KIFAP3: variants seen among roughly 807,000 people sequenced by gnomAD.
KIFAP3 encodes kinesin-associated protein 3.
KIFAP3 carries 68 observed loss-of-function variants against 106.5 expected under a neutral mutation model. That is an observed-to-expected ratio of 0.64 (90% CI 0.53 to 0.78). The LOEUF (loss-of-function observed/expected upper bound fraction) is 0.78, where lower values mean the gene tolerates loss of function less well. KIFAP3 is among the 30% of genes least tolerant of loss of function. The pLI, the probability that KIFAP3 is intolerant of heterozygous loss-of-function variation, is 0.00. For missense variants in KIFAP3, 780 were observed against 941.8 expected (o/e 0.83, Z 2.25); for synonymous variants, 320 against 311.5 (o/e 1.03, Z -0.29).
At chr1:170,046,647 G>T in intron 3 of KIFAP3, 65 bp downstream of exon 3, 3 of 1,264,002 alleles carry the variant, frequency 2.4e-6, no homozygotes, top group Admixed American at 2.9e-5. Flanking sequence ...TTTTATAGTT[G>T]CTTGATGAAC....
chr1:170,072,643 A>T (rs1236615417), intron 1 of KIFAP3, among the ~76,000 whole-genome samples: 1 of 152,224 alleles, frequency 6.6e-6, no homozygotes, highest in Non-Finnish European at 1.5e-5. Context: ...GAAGGGACTG[A>T]AAATATACTG....
Position 170,068,795 on chromosome 1 carries a change from T to C in KIFAP3, c.32+5641A>G, listed in dbSNP as rs933446282. 3 of 150,962 alleles carry C rather than the reference T, an allele frequency of 2.0e-5. No homozygotes were observed. The South Asian group carries it at 6.3e-4, about 32-fold the overall frequency. 9.4% of individuals were successfully genotyped at this position (150,962 alleles called of 1,614,324 possible). On this transcript the variant is annotated intron_variant, in intron 1 of 19. Transcript: ENST00000361580. ...CTGACGCTCTATTTAAAAAAATAAA[T>C]AAAAGATTTTGAATTAATAACCTAA...
At chr1:170,082,011 C>G (rs968518113) in intron 1 of KIFAP3, among the ~76,000 whole-genome samples, 4 of 152,152 alleles carry the variant, frequency 2.6e-5, no homozygotes, top group African/African-American at 9.7e-5. Flanking sequence ...ATGGTACAAC[C>G]TTTTGGAAGA....
At chr1:170,031,648 CCTTT>C (rs1467694026) in intron 8 of KIFAP3, among the ~76,000 whole-genome samples, 1 of 151,556 alleles carries the variant, frequency 6.6e-6, no homozygotes, top group Non-Finnish European at 1.5e-5. Flanking sequence ...ATTAAAAAAT[CCTTT>C]CTTAGGAAAT....
intron 11 of KIFAP3, among the ~76,000 whole-genome samples, chr1:169,986,303 G>C (rs1666826378): frequency 6.6e-6 from 1 of 151,604 alleles, no homozygotes; most frequent in South Asian, 2.1e-4. Flanking sequence ...AATTAAATTT[G>C]GTTAAATTAA....
chr1:170,043,759 G>T (rs1332102770), intron 3 of KIFAP3, among the ~76,000 whole-genome samples: 1 of 152,128 alleles, frequency 6.6e-6, no homozygotes, highest in Admixed American at 6.5e-5. Flanking sequence ...GGAGAGTCAT[G>T]GGTCTCATCC....
chr1:170,041,878 C>T (rs2102070914), intron 3 of KIFAP3: 1 of 1,374,286 alleles, frequency 7.3e-7, no homozygotes, highest in Middle Eastern at 1.9e-4. Flanking sequence ...ATTTCCCCAA[C>T]TGGAAGGAGA....
At chr1:170,081,003 G>A (rs1672011270) in intron 1 of KIFAP3, among the ~76,000 whole-genome samples, 1 of 152,032 alleles carries the variant, frequency 6.6e-6, no homozygotes, top group South Asian at 2.1e-4. Flanking sequence ...CTATATCAGT[G>A]TTATCATTTT....
At chr1:169,954,649 C>T (rs1170789976) in intron 18 of KIFAP3, among the ~76,000 whole-genome samples, 2 of 152,116 alleles carry the variant, frequency 1.3e-5, no homozygotes, top group African/African-American at 4.8e-5. Context: ...GACATTAAAA[C>T]ACACACACAA....
chr1:170,029,625 T>G (rs774471760), intron 8 of KIFAP3, among the ~76,000 whole-genome samples: 13 of 150,848 alleles, frequency 8.6e-5, no homozygotes, highest in Non-Finnish European at 1.8e-4. Context: ...AAAATAAGAG[T>G]ATATTAAACC....
chr1:170,011,637 G>A (rs1307297708), intron 10 of KIFAP3, among the ~76,000 whole-genome samples: 2 of 151,832 alleles, frequency 1.3e-5, no homozygotes, highest in Non-Finnish European at 2.9e-5. Flanking sequence ...TTAACCTTAG[G>A]AAAAATATAT....
intron 9 of KIFAP3, among the ~76,000 whole-genome samples, chr1:170,017,496 T>A (rs1467911261): frequency 6.6e-6 from 1 of 152,094 alleles, no homozygotes; most frequent in Non-Finnish European, 1.5e-5. Context: ...GGATCGGCAT[T>A]TAGGAATAAA....
intron 18 of KIFAP3, chr1:169,957,799 G>A (rs984747014): frequency 2.6e-5 from 4 of 152,090 alleles, no homozygotes; most frequent in African/African-American, 9.7e-5. Context: ...GCTAATTTTT[G>A]TATTTTCAGT....
chr1:170,040,326 T>C (rs1557857298), intron 3 of KIFAP3, among the ~76,000 whole-genome samples: 1 of 152,196 alleles, frequency 6.6e-6, no homozygotes, highest in Non-Finnish European at 1.5e-5. Flanking sequence ...AAAAAGTGTA[T>C]ATTTAATATA....
intron 19 of KIFAP3, among the ~76,000 whole-genome samples, chr1:169,922,202 A>AGAT (rs998854937): frequency 6.6e-6 from 1 of 152,212 alleles, no homozygotes; most frequent in African/African-American, 2.4e-5. Flanking sequence ...TTTCATATGA[A>AGAT]GATACAGGAC....
chr1:170,035,800 G>A (rs1669661222), intron 5 of KIFAP3, among the ~76,000 whole-genome samples: 1 of 151,958 alleles, frequency 6.6e-6, no homozygotes, highest in Non-Finnish European at 1.5e-5. Flanking sequence ...TTTAGATAAA[G>A]TGACATATGT....
intron 1 of KIFAP3, among the ~76,000 whole-genome samples, chr1:170,057,385 G>A (rs1670904961): frequency 6.6e-6 from 1 of 151,884 alleles, no homozygotes; most frequent in South Asian, 2.1e-4. Context: ...TTTTTTTGCT[G>A]TGTATGTGTG....
At chr1:170,005,918 A>T (rs1344599463) in intron 10 of KIFAP3, among the ~76,000 whole-genome samples, 2 of 152,054 alleles carry the variant, frequency 1.3e-5, no homozygotes, top group Non-Finnish European at 2.9e-5. Flanking sequence ...AAAACTGTGA[A>T]GAAAACTGTT....
At position 169,942,907 on chromosome 1, in the gene KIFAP3, G is replaced by GAC. The variant is rs1292839185; in HGVS notation, c.2273+11102_2273+11103dup. On this transcript the variant is annotated intron_variant, in intron 19 of 19. Coordinates refer to ENST00000361580, the MANE Select transcript of KIFAP3 (RefSeq NM_014970.4). ...AGATACTTCCGTAAGCAGTTTTAAA[G>GAC]ACGCCCCCCCCCACCCCTTTAAAAA... Among the ~76,000 whole-genome samples the GAC allele has an allele frequency of 3.6e-4, 10 of 27,878 alleles. No individual in the cohort carries two copies. The East Asian group carries it at 8.8e-3, about 25-fold the overall frequency. The allele number at this position is 27,878 out of a possible 152,430, so 18.3% of individuals were successfully genotyped here.
Sources: allele counts gnomAD v4.1 joint callset (sites outside exome capture counted in the v4.1 genomes callset), GRCh38; gene constraint gnomAD v4.1.1; transcripts MANE v1.5; gene names NCBI Gene and HGNC (gene_info 2026-07-23, HGNC 2026-07-21).